TANGO6: variants seen among roughly 807,000 people sequenced by gnomAD.
TANGO6 encodes transport and Golgi organization protein 6 homolog.
In TANGO6, 90 loss-of-function variants were observed where a neutral mutation model predicts 114.2. The ratio of observed to expected loss-of-function variants is 0.79; its 90% CI spans 0.66 to 0.94. The LOEUF is 0.94. TANGO6 is among the 40% of genes least tolerant of loss of function. The pLI, the probability that TANGO6 is intolerant of heterozygous loss-of-function variation, is 0.00. For missense variants in TANGO6, 1,274 were observed against 1,315.3 expected (o/e 0.97, Z 0.49); for synonymous variants, 477 against 509.8 (o/e 0.94, Z 0.87).
At chr16:68,953,786 T>C (rs941507270) in intron 14 of TANGO6, among the ~76,000 whole-genome samples, 5 of 152,120 alleles carry the variant, frequency 3.3e-5, no homozygotes, top group Non-Finnish European at 7.4e-5. Flanking sequence ...TCTATATGAA[T>C]AGGAGGAGAA....
chr16:69,055,697 C>T (rs1205931370), intron 17 of TANGO6, among the ~76,000 whole-genome samples: 2 of 152,224 alleles, frequency 1.3e-5, no homozygotes, highest in African/African-American at 4.8e-5. Context: ...ATTTCCTCAA[C>T]AGTAACTTGG....
chr16:68,987,158 AT>A (rs200318422), intron 15 of TANGO6, among the ~76,000 whole-genome samples: 1 of 72,614 alleles, frequency 1.4e-5, no homozygotes, highest in Non-Finnish European at 2.6e-5. Flanking sequence ...ATTTTTTTCT[AT>A]TTTTTTTCTA....
rs750413834 is a variant in TANGO6 at position 68,919,104 on chromosome 16, C to G, written c.2012C>G (p.Ala671Gly). The part of the protein sequence containing the change: ...NVTQVVDFVA[A>G]TLQRACASLA... ...GGGTAGGTGGTGGACTTTGTAGCAG[C>G]AACATTGCAGAGAGCCTGTGCAAGC... Residue 671 changes from alanine to glycine, a missense_variant, in exon 12 of 18, where the codon GCA becomes GGA. Ala to Gly is a moderately conservative substitution (Grantham distance 60). Transcript: ENST00000261778. The G allele has an allele frequency of 1.2e-6, 2 of 1,612,654 alleles. No homozygotes were observed. Among genetic ancestry groups the G allele is most frequent in the African/African-American group, 1.3e-5 (1 of 74,796 alleles).
intron 1 of TANGO6, among the ~76,000 whole-genome samples, chr16:68,857,461 G>T (rs573711391): frequency 1.3e-5 from 2 of 151,240 alleles, no homozygotes; most frequent in African/African-American, 4.9e-5. Context: ...CAGTTTTTTG[G>T]TAATTATAAA....
At chr16:68,930,408 C>A in intron 14 of TANGO6, 113 bp downstream of exon 14, 1 of 824,166 alleles carries the variant, frequency 1.2e-6, no homozygotes, top group Non-Finnish European at 2.0e-6. Flanking sequence ...TCATTTTGTC[C>A]GTCTTCCTGC....
chr16:68,930,207 A>G (rs750582557), intron 13 of TANGO6, 31 bp from the exon 14 acceptor site: 7 of 1,544,254 alleles, frequency 4.5e-6, no homozygotes, highest in Admixed American at 2.0e-5. Flanking sequence ...TTCTTTGTAA[A>G]TCTTATCACT....
intron 9 of TANGO6, among the ~76,000 whole-genome samples, chr16:68,902,862 T>A (rs1431142101): frequency 6.6e-6 from 1 of 152,222 alleles, no homozygotes; most frequent in Non-Finnish European, 1.5e-5. Context: ...TATATGTGTG[T>A]GTTTATAGTC....
chr16:68,979,186 G>A (rs1963797840), intron 15 of TANGO6, among the ~76,000 whole-genome samples: 1 of 151,832 alleles, frequency 6.6e-6, no homozygotes, highest in African/African-American at 2.4e-5. Context: ...CTCCCAGTGT[G>A]CTGAGATTAA....
intron 17 of TANGO6, among the ~76,000 whole-genome samples, chr16:69,049,013 C>T (rs1406436023): frequency 6.6e-6 from 1 of 152,146 alleles, no homozygotes; most frequent in Admixed American, 6.5e-5. Context: ...TGAGTGTGCT[C>T]TCTTCGTCAA....
chr16:69,047,973 GCTTT>G (rs1959888927), intron 17 of TANGO6, among the ~76,000 whole-genome samples: 1 of 152,138 alleles, frequency 6.6e-6, no homozygotes, highest in South Asian at 2.1e-4. Flanking sequence ...TCAGTATTCA[GCTTT>G]AGAATTAATT....
chr16:69,063,826 A>C (rs998047413), intron 17 of TANGO6, among the ~76,000 whole-genome samples: 5,573 of 130,436 alleles, frequency 0.043, 136 homozygotes, highest in African/African-American at 0.052. Context: ...TATTATTATT[A>C]TTATTATTAT....
rs1377215981 is a variant in TANGO6, at chr16:69,022,202, T to A, written c.2843-626T>A. 2.0e-5 allele frequency among the ~76,000 whole-genome samples: 3 copies of A among 152,104 alleles called. No individual in the cohort carries two copies. The East Asian group carries it at 5.8e-4, about 29-fold the overall frequency. On this transcript the variant is annotated intron_variant, in intron 15 of 17. Coordinates refer to ENST00000261778, the MANE Select transcript of TANGO6 (RefSeq NM_024562.2). ...CGCCTGGCCGTGTATGTAAATTTTTTAAGTTTTCTGTAATAAGACTCTGAA... is the reference window on the plus strand; with the variant it reads ...CGCCTGGCCGTGTATGTAAATTTTTAAAGTTTTCTGTAATAAGACTCTGAA...
At chr16:69,054,041 G>A (rs889782796) in intron 17 of TANGO6, among the ~76,000 whole-genome samples, 2 of 152,050 alleles carry the variant, frequency 1.3e-5, no homozygotes, top group African/African-American at 2.4e-5. Context: ...CTCCAGCCTG[G>A]GCAACAGAGC....
chr16:68,881,037 C>T (rs1015789798), intron 7 of TANGO6, among the ~76,000 whole-genome samples: 1 of 152,188 alleles, frequency 6.6e-6, no homozygotes, highest in African/African-American at 2.4e-5. Flanking sequence ...TATCCTCTTG[C>T]CTCTGCCTCC....
chr16:69,052,315 C>A (rs1288278178), intron 17 of TANGO6, among the ~76,000 whole-genome samples: 1 of 145,362 alleles, frequency 6.9e-6, no homozygotes. Context: ...GTCTCCCAAG[C>A]TGGAGTGTAG....
intron 16 of TANGO6, among the ~76,000 whole-genome samples, chr16:69,028,601 C>G (rs573300269): frequency 9.2e-5 from 14 of 151,968 alleles, no homozygotes; most frequent in African/African-American, 3.1e-4. Context: ...CCACTACACT[C>G]TAGTCTGGGT....
chr16:68,882,811 G>A (rs1220288990), intron 7 of TANGO6, among the ~76,000 whole-genome samples: 1 of 152,034 alleles, frequency 6.6e-6, no homozygotes, highest in Non-Finnish European at 1.5e-5. Context: ...GAGGTCAGTA[G>A]ATCAAGACCA....
At position 69,039,869 on chromosome 16, in the gene TANGO6, C is replaced by T. The variant is rs558753386; in HGVS notation, c.2995-439C>T. On this transcript the variant is annotated intron_variant, in intron 16 of 17. Transcript: ENST00000261778. The stretch of plus-strand genomic sequence containing the variant: ...ATGGTACATTCACATTCATGCCAGG[C>T]TGTGAACTCTGAAGTCTCCTTAGCT... Among the ~76,000 whole-genome samples the T allele has an allele frequency of 3.3e-5, 5 of 152,198 alleles. 1 individual carries two copies. Among genetic ancestry groups the T allele is most frequent in the Admixed American group, 2.0e-4 (3 of 15,278 alleles).
rs1960004003 is a variant in TANGO6, at chr16:69,054,611, G to A, written c.3108+14190G>A. Among the ~76,000 whole-genome samples, 3 of 152,012 alleles carry A rather than the reference G, an allele frequency of 2.0e-5. No homozygotes were observed. In the South Asian group the frequency reaches 6.2e-4, roughly 32 times the overall value. On this transcript the variant is annotated intron_variant, in intron 17 of 17. Transcript: ENST00000261778. ...GGGCAAATCAGGACCATGACCCTAG[G>A]ATTCATCCAACTACTTTCTAGTATC... is the stretch of plus-strand genomic sequence containing the variant.
Sources: allele counts gnomAD v4.1 joint callset (sites outside exome capture counted in the v4.1 genomes callset), GRCh38; gene constraint gnomAD v4.1.1; transcripts MANE v1.5; gene names NCBI Gene and HGNC (gene_info 2026-07-23, HGNC 2026-07-21).